JAK1: variants seen among roughly 807,000 people sequenced by gnomAD.
JAK1 encodes Janus kinase 1.
JAK1 carries 16 observed loss-of-function variants against 136.6 expected under a neutral mutation model. That is an observed-to-expected ratio of 0.12 (90% CI 0.08 to 0.18). The LOEUF is 0.18. JAK1 is among the 10% of genes least tolerant of loss of function. The pLI, the probability that JAK1 is intolerant of heterozygous loss-of-function variation, is 1.00. For missense variants in JAK1, 859 were observed against 1,450.1 expected, an observed-to-expected ratio of 0.59 and a Z score of 6.62; for synonymous variants, 492 against 519.5, an observed-to-expected ratio of 0.95 and a Z score of 0.72.
intron 12 of JAK1, among the ~76,000 whole-genome samples, chr1:64,849,142 T>C (rs1655426867): frequency 6.6e-6 from 1 of 152,144 alleles, no homozygotes; most frequent in African/African-American, 2.4e-5. Flanking sequence ...TCTGATGCTG[T>C]TCCCTCCACC....
At chr1:64,900,055 T>C (rs1252413651) in intron 1 of JAK1, among the ~76,000 whole-genome samples, 1 of 152,208 alleles carries the variant, frequency 6.6e-6, no homozygotes, top group Non-Finnish European at 1.5e-5. Context: ...GCATCAAATA[T>C]GTGTTACTAC....
intron 2 of JAK1, among the ~76,000 whole-genome samples, chr1:64,999,735 T>TTA (rs1646735890): frequency 7.7e-6 from 1 of 130,272 alleles, no homozygotes; most frequent in African/African-American, 2.8e-5. Context: ...ACCCTCTCTT[T>TTA]AAAAAAAAAA....
At chr1:64,877,539 T>C (rs977218635) in intron 4 of JAK1, among the ~76,000 whole-genome samples, 5 of 152,178 alleles carry the variant, frequency 3.3e-5, no homozygotes, top group African/African-American at 9.7e-5. Flanking sequence ...AATGCCTCAA[T>C]TGTAAAGCTA....
At chr1:64,939,437 T>C (rs1557708850) in intron 1 of JAK1, among the ~76,000 whole-genome samples, 1 of 152,348 alleles carries the variant, frequency 6.6e-6, no homozygotes, top group East Asian at 1.9e-4. Context: ...TTGCAGAAGT[T>C]TGGAGTCACT....
intron 2 of JAK1, among the ~76,000 whole-genome samples, chr1:65,020,150 G>A (rs1286822979): frequency 6.6e-6 from 1 of 150,866 alleles, no homozygotes; most frequent in Non-Finnish European, 1.5e-5. Context: ...GCTTGAACCC[G>A]GGAGGCGGAG....
intron 1 of JAK1, among the ~76,000 whole-genome samples, chr1:64,941,116 G>C (rs1569640706): frequency 6.6e-6 from 1 of 152,220 alleles, no homozygotes; most frequent in East Asian, 1.9e-4. Context: ...GTGAGCCAAA[G>C]ATCGTGCCAC....
At chr1:64,956,899 G>A (rs949172627) in intron 1 of JAK1, among the ~76,000 whole-genome samples, 3 of 152,206 alleles carry the variant, frequency 2.0e-5, no homozygotes, top group Non-Finnish European at 2.9e-5. Context: ...TACTCAAAAA[G>A]AGAACAGAGA....
chr1:64,850,874 T>C lies in JAK1; in HGVS notation c.1685A>G (p.Gln562Arg). The change falls in exon 12 of 25, where the codon CAG becomes CGG. Residue 562 changes from glutamine to arginine, a missense_variant. This residue lies in a region of JAK1 where 409 missense variants were observed against 753.8 expected (regional missense o/e 0.54). Coordinates refer to ENST00000342505, the MANE Select transcript of JAK1 (RefSeq NM_002227.4). The stretch of plus-strand genomic sequence containing the variant: ...CATGGGGTAGACGGGCTGCCACTCC[T>C]GGGCTTTCTTAGTAGCCACCAGCAG... ...SNLLVATKKAQEWQPVYPMSQ... is the reference protein window; with the variant it reads ...SNLLVATKKAREWQPVYPMSQ... The C allele has an allele frequency of 1.2e-6, 2 of 1,614,056 alleles. No homozygotes were observed. Among genetic ancestry groups the C allele is most frequent in the Non-Finnish European group, 1.7e-6 (2 of 1,179,940 alleles).
At chr1:64,994,552 C>T (rs1300262330) in intron 2 of JAK1, among the ~76,000 whole-genome samples, 1 of 152,160 alleles carries the variant, frequency 6.6e-6, no homozygotes, top group Non-Finnish European at 1.5e-5. Flanking sequence ...ATGAAAAGCA[C>T]AGTCTCAGCC....
chr1:64,881,039 CAGG>C (rs1265460202), intron 3 of JAK1, among the ~76,000 whole-genome samples: 3 of 151,964 alleles, frequency 2.0e-5, no homozygotes, highest in African/African-American at 7.2e-5. Context: ...GAGGCTAAAG[CAGG>C]AGGATCACTT....
chr1:64,932,135 C>A (rs1164833231), intron 1 of JAK1, among the ~76,000 whole-genome samples: 1 of 150,344 alleles, frequency 6.7e-6, no homozygotes, highest in Non-Finnish European at 1.5e-5. Flanking sequence ...GAAATCTGGG[C>A]CAGGTGTGGT....
At chr1:64,916,631 AG>A (rs1318784267) in intron 1 of JAK1, among the ~76,000 whole-genome samples, 1 of 152,128 alleles carries the variant, frequency 6.6e-6, no homozygotes, top group African/African-American at 2.4e-5. Flanking sequence ...TGAGGTCTGG[AG>A]TTCAAGATCA....
At chr1:64,900,500 T>C (rs1462873181) in intron 1 of JAK1, among the ~76,000 whole-genome samples, 2 of 152,142 alleles carry the variant, frequency 1.3e-5, no homozygotes, top group Non-Finnish European at 1.5e-5. Context: ...CAGACTGACA[T>C]GAAGTGAGAC....
chr1:65,032,259 C>T (rs922457152), intron 2 of JAK1, among the ~76,000 whole-genome samples: 1 of 152,140 alleles, frequency 6.6e-6, no homozygotes, highest in South Asian at 2.1e-4. Flanking sequence ...AGCCACCACG[C>T]CCAGCCTAGA....
chr1:64,850,678 A>G (rs572687031), intron 12 of JAK1, 126 bp downstream of exon 12: 3 of 674,238 alleles, frequency 4.4e-6, no homozygotes, highest in Non-Finnish European at 8.0e-6. Context: ...CATCAAAGGA[A>G]AGTCTCCCTG....
chr1:65,010,075 G>A (rs1557756374), intron 2 of JAK1, among the ~76,000 whole-genome samples: 1 of 152,150 alleles, frequency 6.6e-6, no homozygotes, highest in Non-Finnish European at 1.5e-5. Flanking sequence ...TGGCACACAG[G>A]AAGTGGGCAA....
intron 2 of JAK1, among the ~76,000 whole-genome samples, chr1:65,013,273 T>A (rs1429809515): frequency 1.3e-5 from 2 of 150,764 alleles, no homozygotes; most frequent in Non-Finnish European, 2.9e-5. Context: ...GGCATGCACC[T>A]GTAATCCCAG....
intron 8 of JAK1, among the ~76,000 whole-genome samples, chr1:64,862,731 T>G (rs1656428349): frequency 1.3e-5 from 2 of 152,150 alleles, no homozygotes; most frequent in Admixed American, 6.5e-5. Flanking sequence ...CATGTCAGCC[T>G]CTCCCTCACT....
intron 1 of JAK1, among the ~76,000 whole-genome samples, chr1:64,901,923 T>C (rs1017583197): frequency 7.9e-5 from 12 of 152,234 alleles, no homozygotes; most frequent in Admixed American, 3.9e-4. Flanking sequence ...AGGGGATCCA[T>C]GCTGTAGCAT....
Sources: allele counts gnomAD v4.1 joint callset (sites outside exome capture counted in the v4.1 genomes callset), GRCh38; gene constraint gnomAD v4.1.1; regional missense constraint gnomAD v4.1.1; transcripts MANE v1.5; gene names NCBI Gene and HGNC (gene_info 2026-07-23, HGNC 2026-07-21).